ZNF416: variants seen among roughly 807,000 people sequenced by gnomAD.
ZNF416 encodes zinc finger protein 416.
In ZNF416, 5 loss-of-function variants were observed where a neutral mutation model predicts 10.9. That is an observed-to-expected ratio of 0.46 (90% CI 0.24 to 0.97). The LOEUF (loss-of-function observed/expected upper bound fraction) is 0.97. Ranked by LOEUF, ZNF416 falls within the 50% of genes least tolerant of loss-of-function variation. ZNF416 has a pLI of 0.19. For missense variants in ZNF416, 675 were observed against 715.0 expected, an observed-to-expected ratio of 0.94 and a Z score of 0.64; for synonymous variants, 267 against 251.8, an observed-to-expected ratio of 1.06 and a Z score of -0.57.
Position 57,575,915 on chromosome 19 carries a change from C to T in ZNF416, c.91G>A (p.Glu31Lys), listed in dbSNP as rs1179391871. The change falls in exon 3 of 4, where the codon GAG becomes AAG. Residue 31 changes from glutamate (E) to lysine (K), a missense_variant. Transcript: ENST00000196489. The surrounding 1 kb of genome is among the most constrained non-coding windows in gnomAD (Gnocchi z 4.4). ...MGFTQGCVTFEDVAIYFSQEE... is the reference protein window; with the variant it reads ...MGFTQGCVTFKDVAIYFSQEE... ...TGGGAGAAGTAAATGGCCACGTCCT[C>T]AAAGGTCACACAGCCCTGCCATGAT... 2 of 1,614,002 alleles carry T rather than the reference C, an allele frequency of 1.2e-6. No homozygotes were observed. Among genetic ancestry groups the T allele is most frequent in the African/African-American group, 1.3e-5 (1 of 75,004 alleles).
In ZNF416 at chr19:57,572,933, C is replaced by T. The variant is rs746403936; in HGVS notation, c.971G>A (p.Arg324Lys). The stretch of plus-strand genomic sequence containing the variant: ...CCCACATTCACCACACTCGTAAGGC[C>T]TTTCTCCAGTGTGAACTCTGTGATG... ...IKHHRVHTGERPYECGECGKS... is the reference protein window; with the variant it reads ...IKHHRVHTGEKPYECGECGKS... Residue 324 changes from arginine (R) to lysine (K), a missense_variant, in exon 4 of 4, where the codon AGG becomes AAG. Physicochemically the swap from Arg to Lys is conservative, Grantham distance 26. Coordinates refer to ENST00000196489, the MANE Select transcript of ZNF416 (RefSeq NM_017879.3). This position sits in a 1 kb window ranked among gnomAD's most constrained non-coding sequence, Gnocchi z 4.5. 1.9e-6 allele frequency: 3 copies of T among 1,614,066 alleles called. No homozygotes were observed. In the East Asian group the frequency reaches 6.7e-5, roughly 36 times the overall value.
rs376416590 is a variant in ZNF416 at position 57,573,202 on chromosome 19, T to C, written c.702A>G (p.Arg234=). ...CATAAAGCCTTTTTCCAGTGCAGAC[T>C]CTAGGGTGAAAAAAAGTGTGTTTGT... ...SSHKHTFFHP[R]VCTGKRLYES... The change falls in exon 4 of 4, where the codon AGA becomes AGG. Residue 234 remains arginine, a synonymous_variant. Coordinates refer to ENST00000196489, the MANE Select transcript of ZNF416 (RefSeq NM_017879.3). The C allele has an allele frequency of 6.2e-7, 1 of 1,614,106 alleles. No individual in the cohort carries two copies. The highest frequency in any genetic ancestry group is 1.3e-5 in the African/African-American group (1 of 74,942).
intron 2 of ZNF416, 88 bp from the exon 3 acceptor site, chr19:57,576,018 T>C (rs981217359): frequency 1.3e-6 from 2 of 1,518,346 alleles, no homozygotes; most frequent in African/African-American, 1.4e-5. Flanking sequence ...TCCCTGCTTA[T>C]CCCCATACCT....
At chr19:57,578,002 C>CA in intron 2 of ZNF416, 55 bp downstream of exon 2, 1 of 1,598,876 alleles carries the variant, frequency 6.3e-7, no homozygotes. Context: ...AACACAATCT[C>CA]AGAGACAAAC....
At chr19:57,574,828 G>A (rs12977037) in intron 3 of ZNF416, among the ~76,000 whole-genome samples, 36,788 of 152,078 alleles carry the variant, frequency 0.24, 4,716 homozygotes, top group Non-Finnish European at 0.29. Context: ...GGCATTATTC[G>A]GGCCCAAGAT....
In ZNF416 at chr19:57,573,216, A is replaced by C; in HGVS notation, c.688T>G (p.Phe230Val). ...CRRESSHKHT[F>V]FHPRVCTGKR... ...CCAGTGCAGACTCTAGGGTGAAAAA[A>C]AGTGTGTTTGTGGCTGGACTCTCTC... is the stretch of plus-strand genomic sequence containing the variant. The change falls in exon 4 of 4, where the codon TTT (phenylalanine) becomes GTT (valine). Residue 230 changes from phenylalanine (F) to valine (V), a missense_variant. Phe to Val is a conservative substitution (Grantham distance 50). Transcript: ENST00000196489. The C allele has an allele frequency of 6.2e-7, 1 of 1,614,148 alleles. No homozygotes were observed. Among genetic ancestry groups the C allele is most frequent in the Non-Finnish European group, 8.5e-7 (1 of 1,179,976 alleles).
At position 57,578,023 on chromosome 19, in the gene ZNF416, G is replaced by A. The variant is rs772595927; in HGVS notation, c.75+34C>T. 1.9e-6 allele frequency: 3 copies of A among 1,612,070 alleles called. No homozygotes were observed. The South Asian group carries it at 3.3e-5, about 18-fold the overall frequency. On this transcript the variant is annotated intron_variant, in intron 2 of 3. Transcript: ENST00000196489. Reference sequence around the variant, plus strand: ...ATCTCAGAGACAAACACTGGGGTCAGCATCAGTGAGGGCCCGAAACACTCT... The same window carrying A: ...ATCTCAGAGACAAACACTGGGGTCAACATCAGTGAGGGCCCGAAACACTCT...
In ZNF416 at chr19:57,572,043, T is replaced by C; in HGVS notation, c.*76A>G. On this transcript the variant is annotated 3_prime_UTR_variant, in exon 4 of 4. Coordinates refer to ENST00000196489, the MANE Select transcript of ZNF416 (RefSeq NM_017879.3). This position sits in a 1 kb window ranked among gnomAD's most constrained non-coding sequence, Gnocchi z 4.5. ...ACGGCTCCTTCACAAAGGCTCTCTATAGCCATAACACTGAAGAAAGACATG... is the reference window on the plus strand; with the variant it reads ...ACGGCTCCTTCACAAAGGCTCTCTACAGCCATAACACTGAAGAAAGACATG... The C allele has an allele frequency of 8.5e-6, 13 of 1,531,348 alleles. No homozygotes were observed. In the South Asian group the frequency reaches 1.0e-4, roughly 12 times the overall value. 94.9% of individuals were successfully genotyped at this position (1,531,348 alleles called of 1,614,324 possible).
Position 57,573,459 on chromosome 19 carries a change from A to G in ZNF416, c.445T>C (p.Leu149=). ...GAGGCCTTGTCCATGTCACTTTCCA[A>G]GGGTTTCTCTGCACTATGATGCTTC... is the stretch of plus-strand genomic sequence containing the variant. ...DQKHHSAEKP[L]ESDMDKASFV... is the part of the protein sequence containing the mutation. The change falls in exon 4 of 4, where the codon TTG becomes CTG. Residue 149 remains leucine (L), a synonymous_variant. Coordinates refer to ENST00000196489, the MANE Select transcript of ZNF416 (RefSeq NM_017879.3). 1 of 1,614,216 alleles carries G rather than the reference A, an allele frequency of 6.2e-7. No homozygotes were observed. Among genetic ancestry groups the G allele is most frequent in the Non-Finnish European group, 8.5e-7 (1 of 1,180,042 alleles).
chr19:57,573,234 A>C lies in ZNF416; in HGVS notation c.670T>G (p.Ser224Ala). 1.2e-6 allele frequency: 2 copies of C among 1,613,270 alleles called. No homozygotes were observed. Among genetic ancestry groups the C allele is most frequent in the Non-Finnish European group, 1.7e-6 (2 of 1,179,938 alleles). Residue 224 changes from serine (S) to alanine (A), a missense_variant, in exon 4 of 4, where the codon TCC becomes GCC. Coordinates refer to ENST00000196489, the MANE Select transcript of ZNF416 (RefSeq NM_017879.3). ...TGAAAAAAAGTGTGTTTGTGGCTGG[A>C]CTCTCTCCTGCATTGACTCCACTTG... ...HYKWSQCRRE[S>A]SHKHTFFHPR...
chr19:57,572,115 AG>A lies in ZNF416; in HGVS notation c.*3del. 6.2e-7 allele frequency: 1 copy of A among 1,604,598 alleles called. No homozygotes were observed. Among genetic ancestry groups the A allele is most frequent in the Non-Finnish European group, 8.5e-7 (1 of 1,172,618 alleles). ...GGCTTTTCTCAGGTTTGGAGTTTCA[AG>A]AGTTAAACAATGTTAGATCTTGGGC... On this transcript the variant is annotated 3_prime_UTR_variant, in exon 4 of 4. Transcript: ENST00000196489. The surrounding 1 kb of genome is among the most constrained non-coding windows in gnomAD (Gnocchi z 4.5).
intron 3 of ZNF416, among the ~76,000 whole-genome samples, chr19:57,574,273 C>T (rs1374702813): frequency 6.6e-6 from 1 of 152,146 alleles, no homozygotes; most frequent in Non-Finnish European, 1.5e-5. Flanking sequence ...AGCCCCTTTG[C>T]CCCAAAGCAA....
chr19:57,571,895 TCTGGCAAAGG>T lies in ZNF416; in HGVS notation c.*214_*223del. On this transcript the variant is annotated 3_prime_UTR_variant, in exon 4 of 4. Coordinates refer to ENST00000196489, the MANE Select transcript of ZNF416 (RefSeq NM_017879.3). ...ATGCAAGGGTGACTAATGATTTAAC[TCTGGCAAAGG>T]CCTCCAGCAGTTTAGAACATGCAAA... 1 of 547,896 alleles carries T rather than the reference TCTGGCAAAGG, an allele frequency of 1.8e-6. No individual in the cohort carries two copies. The highest frequency in any genetic ancestry group is 3.2e-6 in the Non-Finnish European group (1 of 312,248). The allele number at this position is 547,896 out of a possible 1,614,324, so 33.9% of individuals were successfully genotyped here.
Position 57,572,733 on chromosome 19 carries a change from A to G in ZNF416, c.1171T>C (p.Phe391Leu). 1.2e-6 allele frequency: 2 copies of G among 1,614,070 alleles called. No individual in the cohort carries two copies. The highest frequency in any genetic ancestry group is 1.7e-6 in the Non-Finnish European group (2 of 1,180,010). The part of the protein sequence containing the change: ...PYECGECGKL[F>L]RQSFSLVVHQ... ...ACAACAAGGCTGAAGCTTTGTCTGAATAATTTCCCACATTCACCACACTCA... is the reference window on the plus strand; with the variant it reads ...ACAACAAGGCTGAAGCTTTGTCTGAGTAATTTCCCACATTCACCACACTCA... Residue 391 changes from phenylalanine (F) to leucine (L), a missense_variant, in exon 4 of 4, where the codon TTC becomes CTC. By Grantham distance (22) the Phe-to-Leu change is conservative (BLOSUM62 0). Coordinates refer to ENST00000196489, the MANE Select transcript of ZNF416 (RefSeq NM_017879.3). The surrounding 1 kb of genome is among the most constrained non-coding windows in gnomAD (Gnocchi z 4.5).
intron 2 of ZNF416, among the ~76,000 whole-genome samples, chr19:57,577,481 T>A (rs998600929): frequency 6.6e-5 from 10 of 152,110 alleles, no homozygotes; most frequent in East Asian, 5.8e-4. Flanking sequence ...AAAACTGATC[T>A]AAAATCCAAC....
At position 57,571,658 on chromosome 19, in the gene ZNF416, C is replaced by G. The variant is rs1429481581; in HGVS notation, c.*461G>C. The G allele has an allele frequency of 1.9e-5, 3 of 157,600 alleles. No individual in the cohort carries two copies. The highest frequency in any genetic ancestry group is 7.2e-5 in the African/African-American group (3 of 41,400). The allele number at this position is 157,600 out of a possible 1,614,324, so 9.8% of individuals were successfully genotyped here. ...GGTGACTTGGAGGCTGGAAAAACTA[C>G]CAAGTGTTGTGTGAAAACAAGAATT... On this transcript the variant is annotated 3_prime_UTR_variant, in exon 4 of 4. Coordinates refer to ENST00000196489, the MANE Select transcript of ZNF416 (RefSeq NM_017879.3).
rs1404673912 is a variant in ZNF416 at position 57,572,071 on chromosome 19, A to T, written c.*48T>A. 6.4e-7 allele frequency: 1 copy of T among 1,571,502 alleles called. No individual in the cohort carries two copies. The highest frequency in any genetic ancestry group is 8.6e-7 in the Non-Finnish European group (1 of 1,156,654). On this transcript the variant is annotated 3_prime_UTR_variant, in exon 4 of 4. Transcript: ENST00000196489. The surrounding 1 kb of genome is among the most constrained non-coding windows in gnomAD (Gnocchi z 4.5). ...CCATAACACTGAAGAAAGACATGGC[A>T]CATTCCCTGCAGGTCTAAGGCTTTT...
intron 2 of ZNF416, among the ~76,000 whole-genome samples, chr19:57,576,139 G>A (rs1978527628): frequency 6.6e-6 from 1 of 152,136 alleles, no homozygotes; most frequent in African/African-American, 2.4e-5. Context: ...AGGTGGGCCA[G>A]GAAATGCCAT....
At position 57,573,556 on chromosome 19, in the gene ZNF416, A is replaced by G; in HGVS notation, c.348T>C (p.Ile116=). Residue 116 remains isoleucine, a synonymous_variant, in exon 4 of 4, where the codon ATT becomes ATC. Transcript: ENST00000196489. The stretch of plus-strand genomic sequence containing the variant: ...GCCCAGGCAAATCGGTCAGGTGCAA[A>G]ATGTCGGTCAGGAATGGGACACACA... The part of the protein sequence containing the change: ...CDMCVPFLTD[I]LHLTDLPGQE... 6.2e-7 allele frequency: 1 copy of G among 1,614,158 alleles called. No homozygotes were observed. Among genetic ancestry groups the G allele is most frequent in the Non-Finnish European group, 8.5e-7 (1 of 1,180,028 alleles).
Sources: gnomAD v4.1 joint callset for allele counts (sites outside exome capture counted in the v4.1 genomes callset) on GRCh38, gnomAD v4.1.1 for gene constraint, Gnocchi (gnomAD v3.1) non-coding constraint, MANE v1.5 for transcripts, NCBI Gene and HGNC (gene_info 2026-07-23, HGNC 2026-07-21) for gene names.